TAF3: variants seen among roughly 807,000 people sequenced by gnomAD.
TAF3 encodes the protein TATA-box binding protein associated factor 3.
In TAF3, 7 loss-of-function variants were observed where a neutral mutation model predicts 80.6. That is an observed-to-expected ratio of 0.09 (90% CI 0.05 to 0.16). The LOEUF (loss-of-function observed/expected upper bound fraction) is 0.16. Among genes scored for constraint, TAF3 ranks in the 10% least tolerant of loss-of-function variants. The pLI, the probability that TAF3 is intolerant of heterozygous loss-of-function variation, is 1.00. For synonymous variants in TAF3, 444 were observed against 446.1 expected, an observed-to-expected ratio of 1.00 and a Z score of 0.06; for missense variants, 921 against 1,140.2, an observed-to-expected ratio of 0.81 and a Z score of 2.77.
intron 2 of TAF3, among the ~76,000 whole-genome samples, chr10:7,830,684 A>C (rs1282372351): frequency 6.6e-6 from 1 of 151,848 alleles, no homozygotes; most frequent in Non-Finnish European, 1.5e-5. Context: ...GGGTTTCACC[A>C]TGTTGGCCAG....
At chr10:7,843,192 CA>C (rs151153162) in intron 2 of TAF3, among the ~76,000 whole-genome samples, 3,586 of 152,144 alleles carry the variant, frequency 0.024, 173 homozygotes, top group East Asian at 0.22. Flanking sequence ...ACTGCAGCCT[CA>C]AATTCCCAGA....
In TAF3 at chr10:8,009,197, C is replaced by T. The variant is rs765976557; in HGVS notation, c.2435C>T (p.Pro812Leu). Residue 812 changes from proline (P) to leucine (L), a missense_variant, in exon 5 of 7, where the codon CCC becomes CTC. Transcript: ENST00000344293. This position sits in a 1 kb window ranked among gnomAD's most constrained non-coding sequence, Gnocchi z 4.1. ...APGPMLVSPA[P>L]VPLPLLAQAA... ...GGCCCCATGCTCGTCAGCCCTGCGCCCGTGCCGCTGCCGCTGCTCGCCCAG... is the reference window on the plus strand; with the variant it reads ...GGCCCCATGCTCGTCAGCCCTGCGCTCGTGCCGCTGCCGCTGCTCGCCCAG... 21 of 1,458,212 alleles carry T rather than the reference C, an allele frequency of 1.4e-5. 1 individual carries two copies. The South Asian group carries it at 2.6e-4, about 18-fold the overall frequency. 90.3% of individuals were successfully genotyped at this position (1,458,212 alleles called of 1,614,324 possible).
At chr10:7,897,236 C>T (rs928674255) in intron 2 of TAF3, among the ~76,000 whole-genome samples, 10 of 152,324 alleles carry the variant, frequency 6.6e-5, no homozygotes, top group Middle Eastern at 3.4e-3. Flanking sequence ...CCAAAGAGGA[C>T]GGGATCACAC....
intron 2 of TAF3, among the ~76,000 whole-genome samples, chr10:7,832,365 C>T (rs1216619678): frequency 6.6e-6 from 1 of 151,002 alleles, no homozygotes; most frequent in Non-Finnish European, 1.5e-5. Flanking sequence ...TCACAAATGA[C>T]AAAATTTCCT....
At chr10:7,909,476 C>T (rs556762188) in intron 2 of TAF3, among the ~76,000 whole-genome samples, 1 of 152,276 alleles carries the variant, frequency 6.6e-6, no homozygotes, top group African/African-American at 2.4e-5. Flanking sequence ...TTCACTGTGC[C>T]ATTGGATAAA....
At chr10:7,940,894 G>A (rs1454615616) in intron 2 of TAF3, among the ~76,000 whole-genome samples, 2 of 151,638 alleles carry the variant, frequency 1.3e-5, no homozygotes, top group African/African-American at 2.4e-5. Context: ...AGGAGTTTGA[G>A]GCTGCAGTGA....
At chr10:7,958,081 A>G (rs901702473) in intron 2 of TAF3, among the ~76,000 whole-genome samples, 9 of 152,234 alleles carry the variant, frequency 5.9e-5, no homozygotes, top group African/African-American at 2.2e-4. Context: ...CATTATACAC[A>G]TGCATGCAAA....
At chr10:7,996,842 A>ATT (rs34866346) in intron 4 of TAF3, among the ~76,000 whole-genome samples, 8,068 of 131,812 alleles carry the variant, frequency 0.061, 326 homozygotes, top group African/African-American at 0.095. Flanking sequence ...ACCACACTCT[A>ATT]TTTTTTTTTT....
intron 4 of TAF3, among the ~76,000 whole-genome samples, chr10:8,006,385 A>G (rs1034405499): frequency 6.6e-6 from 1 of 152,194 alleles, no homozygotes; most frequent in African/African-American, 2.4e-5. Flanking sequence ...TCAAAAAAAA[A>G]AAACCTAGAT....
chr10:7,996,982 C>T (rs1831896305), intron 4 of TAF3, among the ~76,000 whole-genome samples: 1 of 152,054 alleles, frequency 6.6e-6, no homozygotes, highest in South Asian at 2.1e-4. Context: ...GCATGAGCCA[C>T]TGGGCCCAGC....
intron 4 of TAF3, among the ~76,000 whole-genome samples, chr10:8,003,938 A>G (rs769087533): frequency 1.3e-5 from 2 of 152,192 alleles, no homozygotes; most frequent in Admixed American, 6.5e-5. Flanking sequence ...CTTGGAAAAT[A>G]TAGTTATTTT....
At chr10:7,959,366 T>A (rs890110341) in intron 2 of TAF3, among the ~76,000 whole-genome samples, 16 of 152,224 alleles carry the variant, frequency 1.1e-4, no homozygotes, top group Non-Finnish European at 2.4e-4. Context: ...AAACCAACAC[T>A]TGAAGTGATT....
At chr10:7,866,348 G>T (rs1375093757) in intron 2 of TAF3, among the ~76,000 whole-genome samples, 1 of 152,178 alleles carries the variant, frequency 6.6e-6, no homozygotes, top group Non-Finnish European at 1.5e-5. Context: ...TGAGTGCAAT[G>T]CACAAGAGAA....
At chr10:7,827,291 C>T in intron 2 of TAF3, among the ~76,000 whole-genome samples, 1 of 151,716 alleles carries the variant, frequency 6.6e-6, no homozygotes, top group East Asian at 1.9e-4. Context: ...TGTAATAACA[C>T]CTACCACATT....
intron 2 of TAF3, among the ~76,000 whole-genome samples, chr10:7,952,551 C>T (rs1013194050): frequency 6.6e-6 from 1 of 152,166 alleles, no homozygotes; most frequent in Non-Finnish European, 1.5e-5. Flanking sequence ...TTATGTGATA[C>T]AACAGTATTA....
intron 2 of TAF3, among the ~76,000 whole-genome samples, chr10:7,936,182 G>T (rs778787627): frequency 6.6e-6 from 1 of 152,192 alleles, no homozygotes; most frequent in Non-Finnish European, 1.5e-5. Context: ...AGCTGTGTGC[G>T]CGTTGCTTTC....
At chr10:7,854,117 T>C (rs1489294793) in intron 2 of TAF3, among the ~76,000 whole-genome samples, 1 of 152,216 alleles carries the variant, frequency 6.6e-6, no homozygotes, top group Non-Finnish European at 1.5e-5. Flanking sequence ...CAGTGACCGA[T>C]GTCATTACTG....
intron 2 of TAF3, among the ~76,000 whole-genome samples, chr10:7,860,159 C>T (rs1190401376): frequency 6.6e-6 from 1 of 151,768 alleles, no homozygotes; most frequent in Non-Finnish European, 1.5e-5. Flanking sequence ...GTAGTCCCAG[C>T]TGCTTGGGAG....
intron 2 of TAF3, among the ~76,000 whole-genome samples, chr10:7,856,936 A>G (rs1241507888): frequency 6.6e-6 from 1 of 151,942 alleles, no homozygotes; most frequent in Non-Finnish European, 1.5e-5. Flanking sequence ...GTAGTAAAAC[A>G]TTTACAAATA....
Sources: gnomAD v4.1 joint callset for allele counts (sites outside exome capture counted in the v4.1 genomes callset) on GRCh38, gnomAD v4.1.1 for gene constraint, Gnocchi (gnomAD v3.1) non-coding constraint, MANE v1.5 for transcripts, NCBI Gene and HGNC (gene_info 2026-07-23, HGNC 2026-07-21) for gene names.